The following RASEF variants were observed in gnomAD, a reference collection of about 807,000 sequenced individuals.
The protein encoded by RASEF is ras and EF-hand domain-containing protein.
A neutral mutation model predicts 90.1 loss-of-function variants in RASEF; 68 were observed. That is an observed-to-expected ratio of 0.75 (90% CI 0.62 to 0.92). The LOEUF (loss-of-function observed/expected upper bound fraction) is 0.92. RASEF is among the 40% of genes least tolerant of loss of function. RASEF has a pLI of 0.00. For missense variants in RASEF, 949 were observed against 937.2 expected, an observed-to-expected ratio of 1.01 and a Z score of -0.16; for synonymous variants, 331 against 345.2, an observed-to-expected ratio of 0.96 and a Z score of 0.46.
At chr9:82,994,473 C>T (rs1200333595) in intron 14 of RASEF, among the ~76,000 whole-genome samples, 2 of 152,126 alleles carry the variant, frequency 1.3e-5, no homozygotes, top group Non-Finnish European at 1.5e-5. Context: ...AACCTGCTCT[C>T]GTTTTGTTTG....
intron 1 of RASEF, among the ~76,000 whole-genome samples, chr9:83,035,210 T>C (rs1564084306): frequency 6.6e-6 from 1 of 152,234 alleles, no homozygotes; most frequent in Admixed American, 6.5e-5. Context: ...AAAATACTTT[T>C]GGCTTTGCAG....
the RASEF span, among the ~76,000 whole-genome samples, chr9:83,093,335 C>T: frequency 2.0e-5 from 3 of 152,170 alleles, no homozygotes; most frequent in African/African-American, 7.2e-5. Flanking sequence ...GACTGGGCCC[C>T]GCGGAGCAGG....
chr9:83,044,331 G>A (rs1419814408), intron 1 of RASEF, among the ~76,000 whole-genome samples: 1 of 152,112 alleles, frequency 6.6e-6, no homozygotes, highest in Admixed American at 6.5e-5. Context: ...GGCTATGGCT[G>A]CCCAAATCCA....
chr9:83,088,163 C>T, the RASEF span, among the ~76,000 whole-genome samples: 2 of 151,938 alleles, frequency 1.3e-5, no homozygotes, highest in Non-Finnish European at 2.9e-5. Flanking sequence ...TCTGGTATTT[C>T]CTGCAGAATG....
At chr9:83,075,532 A>AC in the RASEF span, among the ~76,000 whole-genome samples, 4 of 152,154 alleles carry the variant, frequency 2.6e-5, no homozygotes, top group Non-Finnish European at 5.9e-5. Context: ...CTTAGGACAC[A>AC]CCTTTTTCCC....
the RASEF span, among the ~76,000 whole-genome samples, chr9:83,117,206 G>C: frequency 3.9e-5 from 6 of 152,252 alleles, no homozygotes; most frequent in Admixed American, 3.3e-4. Context: ...TGATAGCCTT[G>C]GGGAAATGTA....
the RASEF span, among the ~76,000 whole-genome samples, chr9:83,094,282 T>C: frequency 6.6e-6 from 1 of 151,294 alleles, no homozygotes; most frequent in Non-Finnish European, 1.5e-5. Context: ...AAATATGAAA[T>C]ACCCACAACA....
chr9:83,005,850 T>C (rs1405109145), intron 7 of RASEF, among the ~76,000 whole-genome samples: 1 of 152,170 alleles, frequency 6.6e-6, no homozygotes, highest in Non-Finnish European at 1.5e-5. Context: ...AGTTACCACA[T>C]TTCAGAGGTC....
intron 14 of RASEF, among the ~76,000 whole-genome samples, chr9:82,996,599 C>A (rs1181948733): frequency 1.3e-5 from 2 of 152,162 alleles, no homozygotes; most frequent in African/African-American, 4.8e-5. Flanking sequence ...TTGACGCACG[C>A]TCATATCCAG....
chr9:83,138,545 T>C, the RASEF span, among the ~76,000 whole-genome samples: 36 of 152,298 alleles, frequency 2.4e-4, no homozygotes, highest in African/African-American at 1.2e-4. Flanking sequence ...TGCAAATCAA[T>C]AGGAGCATTT....
At chr9:83,179,845 A>G in the RASEF span, among the ~76,000 whole-genome samples, 1 of 152,118 alleles carries the variant, frequency 6.6e-6, no homozygotes, top group African/African-American at 2.4e-5. Context: ...AAAAATACAG[A>G]GTAAAAGTGA....
At chr9:82,996,908 GGTTCCTAATCAA>G (rs1828931200) in intron 14 of RASEF, 92 bp downstream of exon 14, 3 of 685,866 alleles carry the variant, frequency 4.4e-6, no homozygotes, top group Non-Finnish European at 7.9e-6. Flanking sequence ...TTGGATCAAT[GGTTCCTAATCAA>G]GTTCATTCTG....
At chr9:83,012,650 A>G (rs923191589) in intron 4 of RASEF, 139 bp from the exon 5 acceptor site, 2 of 447,420 alleles carry the variant, frequency 4.5e-6, no homozygotes, top group East Asian at 7.2e-5. Context: ...ATAAATCATT[A>G]AACTACATAA....
chr9:83,104,299 CA>C, the RASEF span, among the ~76,000 whole-genome samples: 32 of 151,984 alleles, frequency 2.1e-4, 1 homozygote, highest in African/African-American at 7.7e-4. Context: ...CTTGTTTGAA[CA>C]AATAAGAATC....
intron 1 of RASEF, chr9:83,048,759 G>A (rs10116216): frequency 0.52 from 512,005 of 979,298 alleles, 134,426 homozygotes; most frequent in East Asian, 0.62. Context: ...TATGTTTTCC[G>A]TCCTATATAG....
chr9:83,003,324 G>C (rs1225894808), intron 9 of RASEF, among the ~76,000 whole-genome samples: 1 of 152,166 alleles, frequency 6.6e-6, no homozygotes, highest in Non-Finnish European at 1.5e-5. Flanking sequence ...AAACATGCTG[G>C]GGACGTGATG....
chr9:83,073,285 C>T, the RASEF span, among the ~76,000 whole-genome samples: 1 of 151,954 alleles, frequency 6.6e-6, no homozygotes, highest in Non-Finnish European at 1.5e-5. Context: ...GAATAAATAC[C>T]CCAACTCACT....
chr9:83,110,340 C>G, the RASEF span, among the ~76,000 whole-genome samples: 8 of 152,148 alleles, frequency 5.3e-5, no homozygotes, highest in Non-Finnish European at 1.0e-4. Context: ...GTCAAGCAGG[C>G]ACTTCCCTCT....
chr9:83,133,813 G>T, the RASEF span, among the ~76,000 whole-genome samples: 1 of 152,054 alleles, frequency 6.6e-6, no homozygotes, highest in Non-Finnish European at 1.5e-5. Flanking sequence ...TTTCCCTGAG[G>T]TTCCAATATG....
Sources: allele counts gnomAD v4.1 joint callset (sites outside exome capture counted in the v4.1 genomes callset), GRCh38; gene constraint gnomAD v4.1.1; transcripts MANE v1.5; gene names NCBI Gene and HGNC (gene_info 2026-07-23, HGNC 2026-07-21).